B4GALNT1: variants seen among roughly 807,000 people sequenced by gnomAD.
B4GALNT1 encodes the protein beta-1,4 N-acetylgalactosaminyltransferase 1.
B4GALNT1 carries 43 observed loss-of-function variants against 55.2 expected under a neutral mutation model. The observed-to-expected ratio is 0.78, with a 90% CI of 0.61 to 1.00. The LOEUF (loss-of-function observed/expected upper bound fraction) is 1.00. Among genes scored for constraint, B4GALNT1 ranks in the 50% least tolerant of loss-of-function variants. B4GALNT1 has a pLI of 0.00. For missense variants in B4GALNT1, 664 were observed against 729.7 expected (o/e 0.91, Z 1.04); for synonymous variants, 305 against 311.6 (o/e 0.98, Z 0.22).
intron 1 of B4GALNT1, chr12:57,632,465 A>C: frequency 2.3e-6 from 1 of 428,072 alleles, no homozygotes; most frequent in African/African-American, 2.0e-5. Flanking sequence ...GCCCCGCTCT[A>C]TCAGGGCAGT....
rs1338886227 is a variant in B4GALNT1, at chr12:57,628,166, G to A, written c.1099C>T (p.Leu367=). The A allele has an allele frequency of 6.2e-7, 1 of 1,614,238 alleles. No individual in the cohort carries two copies. The part of the protein sequence containing the change: ...DDFVFTARTR[L]ERLVDVLERT... Reference sequence around the variant, plus strand: ...TCCAGCACGTCCACAAGCCTCTCCAGCCGCGTCCGCGCCGTGAAGACGAAG... The same window carrying A: ...TCCAGCACGTCCACAAGCCTCTCCAACCGCGTCCGCGCCGTGAAGACGAAG... Residue 367 remains leucine (L), a synonymous_variant, in exon 9 of 11, where the codon CTG becomes TTG. Coordinates refer to ENST00000341156, the MANE Select transcript of B4GALNT1 (RefSeq NM_001478.5).
chr12:57,626,662 A>G lies in B4GALNT1; in HGVS notation c.*82T>C. ...CAGGGACAGCCAGTAGAGTGCTCAC[A>G]GGGTGGTGGGGTTTGTTGGAAATTC... On this transcript the variant is annotated 3_prime_UTR_variant, in exon 11 of 11. Coordinates refer to ENST00000341156, the MANE Select transcript of B4GALNT1 (RefSeq NM_001478.5). 1 of 1,499,736 alleles carries G rather than the reference A, an allele frequency of 6.7e-7. No homozygotes were observed. The highest frequency in any genetic ancestry group is 1.2e-5 in the South Asian group (1 of 85,388). The allele number at this position is 1,499,736 out of a possible 1,614,324, so 92.9% of individuals were successfully genotyped here. A position where few individuals can be genotyped will look rare whatever the true frequency, so the allele number is the denominator to read the frequency against.
rs757759713 is a variant in B4GALNT1 at position 57,628,899 on chromosome 12, C to T, written c.816G>A (p.Gln272=). 5.0e-6 allele frequency: 8 copies of T among 1,614,018 alleles called. No individual in the cohort carries two copies. In the Admixed American group the frequency reaches 5.0e-5, roughly 10 times the overall value. ...YPPGSLPQGA[Q]YNISALVTIA... ...TCGTGACTAGAGCGCTGATGTTGTA[C>T]TGGGCTGAGATTGGGGGCACAGGGT... Residue 272 remains glutamine (Q), a synonymous_variant, in exon 8 of 11, where the codon CAG becomes CAA. Transcript: ENST00000341156.
At position 57,626,692 on chromosome 12, in the gene B4GALNT1, C is replaced by A; in HGVS notation, c.*52G>T. 6.2e-7 allele frequency: 1 copy of A among 1,600,888 alleles called. No individual in the cohort carries two copies. On this transcript the variant is annotated 3_prime_UTR_variant, in exon 11 of 11. Coordinates refer to ENST00000341156, the MANE Select transcript of B4GALNT1 (RefSeq NM_001478.5). ...GGTGGGGTTTGTTGGAAATTCCTGG[C>A]AGGGACAAGGAGGCAGGCCCAGCCT... is the stretch of plus-strand genomic sequence containing the variant.
chr12:57,628,067 C>T (rs1594979649), intron 9 of B4GALNT1, 55 bp downstream of exon 9: 4 of 1,605,956 alleles, frequency 2.5e-6, no homozygotes, highest in East Asian at 4.5e-5. Context: ...CCCGCTGTGG[C>T]CTTAGCCTGT....
Position 57,626,495 on chromosome 12 carries a change from G to T in B4GALNT1, c.*249C>A. 1.8e-6 allele frequency: 1 copy of T among 543,844 alleles called. No homozygotes were observed. Among genetic ancestry groups the T allele is most frequent in the Non-Finnish European group, 3.3e-6 (1 of 301,832 alleles). 33.7% of individuals were successfully genotyped at this position (543,844 alleles called of 1,614,324 possible). On this transcript the variant is annotated 3_prime_UTR_variant, in exon 11 of 11. Transcript: ENST00000341156. Reference sequence around the variant, plus strand: ...CCCCATTTCCTGCCCCATGAGAATGGGCAGGGGGAGGACTTGGCACTGGCT... The same window carrying T: ...CCCCATTTCCTGCCCCATGAGAATGTGCAGGGGGAGGACTTGGCACTGGCT...
At chr12:57,628,510 A>G in intron 8 of B4GALNT1, 1 of 800,566 alleles carries the variant, frequency 1.2e-6, no homozygotes, top group Non-Finnish European at 1.9e-6. Flanking sequence ...ATTGAATGCC[A>G]TTAGGCACTA....
At position 57,627,751 on chromosome 12, in the gene B4GALNT1, G is replaced by T. The variant is rs1008645951; in HGVS notation, c.1251C>A (p.Arg417=). 5.6e-6 allele frequency: 9 copies of T among 1,609,104 alleles called. No individual in the cohort carries two copies. In the African/African-American group the frequency reaches 8.0e-5, roughly 14 times the overall value. ...PGLGNCLRQR[R]GFHHELVGFP... ...AGCCGACGAGCTCGTGGTGGAAGCC[G>T]CGCCTTTGCCGGAGGCAGTTCCCGA... The change falls in exon 10 of 11, where the codon CGC becomes CGA. Residue 417 remains arginine (R), a synonymous_variant. Transcript: ENST00000341156.
At chr12:57,630,064 C>T (rs1885096251) in intron 6 of B4GALNT1, 88 bp downstream of exon 6, 1 of 1,607,054 alleles carries the variant, frequency 6.2e-7, no homozygotes, top group African/African-American at 1.3e-5. Flanking sequence ...CCAGATGCCT[C>T]CCATGCCCTC....
rs1885023970 is a variant in B4GALNT1, at chr12:57,628,921, G to A, written c.812-18C>T. The A allele has an allele frequency of 1.2e-6, 2 of 1,613,982 alleles. No homozygotes were observed. Among genetic ancestry groups the A allele is most frequent in the African/African-American group, 2.7e-5 (2 of 74,928 alleles). Reference sequence around the variant, plus strand: ...GTACTGGGCTGAGATTGGGGGCACAGGGTTGGGTGCAGACAAGGAGGGTTG... The same window carrying A: ...GTACTGGGCTGAGATTGGGGGCACAAGGTTGGGTGCAGACAAGGAGGGTTG... On this transcript the variant is annotated intron_variant, in intron 7 of 10. Transcript: ENST00000341156.
Position 57,625,066 on chromosome 12 carries a change from A to C in B4GALNT1, c.*1678T>G. ...GTTCTGAGGGGGATCCTTGTGCTCA[A>C]GGGGTGCATGTTCATGCTGTGTTTC... On this transcript the variant is annotated 3_prime_UTR_variant, in exon 11 of 11. Transcript: ENST00000341156. 1 of 1,613,920 alleles carries C rather than the reference A, an allele frequency of 6.2e-7. No homozygotes were observed. Among genetic ancestry groups the C allele is most frequent in the Non-Finnish European group, 8.5e-7 (1 of 1,179,848 alleles).
Position 57,628,175 on chromosome 12 carries a change from G to A in B4GALNT1, c.1090C>T (p.Arg364Trp). 1 of 1,614,262 alleles carries A rather than the reference G, an allele frequency of 6.2e-7. No individual in the cohort carries two copies. Among genetic ancestry groups the A allele is most frequent in the Non-Finnish European group, 8.5e-7 (1 of 1,180,052 alleles). ...WVDDDFVFTA[R>W]TRLERLVDVL... Reference sequence around the variant, plus strand: ...TCCACAAGCCTCTCCAGCCGCGTCCGCGCCGTGAAGACGAAGTCGTCGTCC... The same window carrying A: ...TCCACAAGCCTCTCCAGCCGCGTCCACGCCGTGAAGACGAAGTCGTCGTCC... Residue 364 changes from arginine (R) to tryptophan (W), a missense_variant, in exon 9 of 11, where the codon CGG (arginine) becomes TGG (tryptophan). Arg to Trp is a moderately radical substitution (Grantham distance 101). Transcript: ENST00000341156.
rs768737520 is a variant in B4GALNT1, at chr12:57,625,360, C to G, written c.*1384G>C. The G allele has an allele frequency of 2.2e-5, 35 of 1,613,978 alleles. No homozygotes were observed. The highest frequency in any genetic ancestry group is 3.0e-5 in the Non-Finnish European group (35 of 1,180,016). On this transcript the variant is annotated 3_prime_UTR_variant, in exon 11 of 11. Coordinates refer to ENST00000341156, the MANE Select transcript of B4GALNT1 (RefSeq NM_001478.5). ...GTTGAGGAGAAACCCCTTAGCATCTCACTCATACCCTCTGATCTGGGACTT... is the reference window on the plus strand; with the variant it reads ...GTTGAGGAGAAACCCCTTAGCATCTGACTCATACCCTCTGATCTGGGACTT...
In B4GALNT1 at chr12:57,624,069, C is replaced by A; in HGVS notation, c.*2675G>T. 1 of 1,613,930 alleles carries A rather than the reference C, an allele frequency of 6.2e-7. No individual in the cohort carries two copies. Among genetic ancestry groups the A allele is most frequent in the South Asian group, 1.1e-5 (1 of 91,028 alleles). ...GTTCTGCCAGATGCAGGAACTTCCACAACTATGGCACATCAGCCGAGTGGA... is the reference window on the plus strand; with the variant it reads ...GTTCTGCCAGATGCAGGAACTTCCAAAACTATGGCACATCAGCCGAGTGGA... On this transcript the variant is annotated 3_prime_UTR_variant, in exon 11 of 11. Transcript: ENST00000341156.
At chr12:57,628,691 G>A (rs369200194) in intron 8 of B4GALNT1, 22 bp downstream of exon 8, 25 of 1,613,510 alleles carry the variant, frequency 1.5e-5, no homozygotes, top group African/African-American at 1.3e-4. Context: ...CTGGCCTGCC[G>A]TTCAGCCTGC....
Position 57,628,919 on chromosome 12 carries a change from C to G in B4GALNT1, c.812-16G>C. ...TTGTACTGGGCTGAGATTGGGGGCACAGGGTTGGGTGCAGACAAGGAGGGT... is the reference window on the plus strand; with the variant it reads ...TTGTACTGGGCTGAGATTGGGGGCAGAGGGTTGGGTGCAGACAAGGAGGGT... On this transcript the variant is annotated splice_polypyrimidine_tract_variant and intron_variant, in intron 7 of 10. Coordinates refer to ENST00000341156, the MANE Select transcript of B4GALNT1 (RefSeq NM_001478.5). 11 of 1,614,036 alleles carry G rather than the reference C, an allele frequency of 6.8e-6. No homozygotes were observed. The highest frequency in any genetic ancestry group is 8.5e-6 in the Non-Finnish European group (10 of 1,179,994).
chr12:57,625,859 G>GA lies in B4GALNT1; in HGVS notation c.*884dup, dbSNP rs1415985118. On this transcript the variant is annotated 3_prime_UTR_variant, in exon 11 of 11. Transcript: ENST00000341156. Reference sequence around the variant, plus strand: ...ATAGTAGATTGAAGACCAAATCAGGGAGCCCGGGCTGAGCTATGGGTGAGG... The same window carrying GA: ...ATAGTAGATTGAAGACCAAATCAGGGAAGCCCGGGCTGAGCTATGGGTGAGG... 4 of 1,261,062 alleles carry GA rather than the reference G, an allele frequency of 3.2e-6. No individual in the cohort carries two copies. Among genetic ancestry groups the GA allele is most frequent in the Non-Finnish European group, 4.1e-6 (4 of 967,106 alleles). The allele number at this position is 1,261,062 out of a possible 1,614,324, so 78.1% of individuals were successfully genotyped here.
At chr12:57,628,666 C>A (rs1884999021) in intron 8 of B4GALNT1, 47 bp downstream of exon 8, 2 of 1,608,644 alleles carry the variant, frequency 1.2e-6, no homozygotes, top group African/African-American at 1.3e-5. Flanking sequence ...AGGGCACACC[C>A]CCTGCGGGAG....
chr12:57,628,889 T>G lies in B4GALNT1; in HGVS notation c.826A>C (p.Ser276Arg), dbSNP rs754376329. Residue 276 changes from serine (S) to arginine (R), a missense_variant, in exon 8 of 11, where the codon AGC becomes CGC. By Grantham distance (110) the Ser-to-Arg change is moderately radical. Transcript: ENST00000341156. ...TTGGTGGCAATCGTGACTAGAGCGC[T>G]GATGTTGTACTGGGCTGAGATTGGG... Reference protein sequence around the residue: ...SLPQGAQYNISALVTIATKTF... With the variant: ...SLPQGAQYNIRALVTIATKTF... 6.2e-7 allele frequency: 1 copy of G among 1,614,074 alleles called. No individual in the cohort carries two copies. The highest frequency in any genetic ancestry group is 8.5e-7 in the Non-Finnish European group (1 of 1,180,004).
Sources: gnomAD v4.1 joint callset for allele counts on GRCh38, gnomAD v4.1.1 for gene constraint, MANE v1.5 for transcripts, NCBI Gene and HGNC (gene_info 2026-07-23, HGNC 2026-07-21) for gene names.